Variants in ZFAT observed in about 807,000 individuals in gnomAD.
ZFAT encodes the protein zinc finger protein ZFAT.
A neutral mutation model predicts 117.7 loss-of-function variants in ZFAT; 64 were observed. The ratio of observed to expected loss-of-function variants is 0.54; its 90% CI spans 0.44 to 0.67. The LOEUF is 0.67. Ranked by LOEUF, ZFAT falls within the 30% of genes least tolerant of loss-of-function variation. The pLI is 0.00. For missense variants in ZFAT, 1,433 were observed against 1,584.5 expected (o/e 0.90, Z 1.62); for synonymous variants, 679 against 615.0 (o/e 1.10, Z -1.54).
chr8:134,639,192 T>C (rs1458366003), intron 2 of ZFAT, among the ~76,000 whole-genome samples: 1 of 152,178 alleles, frequency 6.6e-6, no homozygotes, highest in Admixed American at 6.5e-5. Context: ...GGGCAGAGTC[T>C]GCAGGGACAC....
At chr8:134,770,006 G>A in the ZFAT span, among the ~76,000 whole-genome samples, 6 of 152,216 alleles carry the variant, frequency 3.9e-5, no homozygotes, top group African/African-American at 1.4e-4. Flanking sequence ...GGTACCCTGG[G>A]TCTGGCCCAC....
chr8:134,665,552 C>T (rs1045248485), intron 1 of ZFAT, among the ~76,000 whole-genome samples: 7 of 152,236 alleles, frequency 4.6e-5, no homozygotes, highest in African/African-American at 1.4e-4. Context: ...CCAGCCCTTA[C>T]ACTGGCTTTT....
At chr8:134,544,955 A>G (rs1361242498) in intron 11 of ZFAT, among the ~76,000 whole-genome samples, 3 of 152,182 alleles carry the variant, frequency 2.0e-5, no homozygotes, top group Non-Finnish European at 4.4e-5. Flanking sequence ...GGGTGTATGT[A>G]TCTTGGAGAA....
intron 11 of ZFAT, among the ~76,000 whole-genome samples, chr8:134,544,010 AC>A: frequency 6.6e-6 from 1 of 152,342 alleles, no homozygotes. Context: ...GACTTGTGGT[AC>A]TAAGAGTGGG....
chr8:134,565,815 T>G, intron 10 of ZFAT: 1 of 297,440 alleles, frequency 3.4e-6, no homozygotes, highest in Non-Finnish European at 6.4e-6. Context: ...CAGCTGCATC[T>G]TCCTTCCTGG....
intron 11 of ZFAT, among the ~76,000 whole-genome samples, chr8:134,551,179 G>A (rs1434160510): frequency 2.0e-5 from 3 of 152,218 alleles, no homozygotes; most frequent in Admixed American, 6.5e-5. Context: ...ATGAGAAAGC[G>A]TGGACTAACG....
intron 10 of ZFAT, among the ~76,000 whole-genome samples, chr8:134,565,835 G>A (rs1824421034): frequency 6.6e-6 from 1 of 151,766 alleles, no homozygotes; most frequent in Non-Finnish European, 1.5e-5. Flanking sequence ...GAGAGGAGCA[G>A]CTGCATCTTC....
At chr8:134,772,584 C>G in the ZFAT span, among the ~76,000 whole-genome samples, 1 of 152,204 alleles carries the variant, frequency 6.6e-6, no homozygotes, top group African/African-American at 2.4e-5. Flanking sequence ...AAGCCATCCC[C>G]ATACCATAAA....
At chr8:134,771,197 G>A in the ZFAT span, among the ~76,000 whole-genome samples, 91 of 152,270 alleles carry the variant, frequency 6.0e-4, no homozygotes, top group African/African-American at 1.6e-3. Context: ...GGAACCTACC[G>A]ACATGTGATG....
intron 13 of ZFAT, among the ~76,000 whole-genome samples, chr8:134,518,592 C>T (rs1820410482): frequency 6.6e-6 from 1 of 151,976 alleles, no homozygotes; most frequent in Non-Finnish European, 1.5e-5. Context: ...TTTCTTATCT[C>T]TTGTCCATTT....
chr8:134,652,232 A>G (rs961318852), intron 2 of ZFAT, among the ~76,000 whole-genome samples: 4 of 152,218 alleles, frequency 2.6e-5, no homozygotes, highest in African/African-American at 9.6e-5. Context: ...GTGCCACTGC[A>G]CTCCAGCCTG....
intron 1 of ZFAT, among the ~76,000 whole-genome samples, chr8:134,696,096 T>C (rs972113676): frequency 2.6e-5 from 4 of 151,260 alleles, no homozygotes; most frequent in African/African-American, 9.8e-5. Flanking sequence ...CCCCAAGCCC[T>C]GCCCGCATTT....
At chr8:134,795,570 G>C in the ZFAT span, 1 of 152,266 alleles carries the variant, frequency 6.6e-6, no homozygotes, top group Non-Finnish European at 1.5e-5. Context: ...TGGGGAAAGA[G>C]GGGGAGCTGT....
chr8:134,590,499 A>G lies in ZFAT; in HGVS notation c.2476-144T>C. ...AACAGTCATCACCACCACCACCATC[A>G]CATCACCATCATCAATACCATCATC... is the stretch of plus-strand genomic sequence containing the variant. On this transcript the variant is annotated intron_variant, in intron 7 of 15. Transcript: ENST00000377838. The G allele has an allele frequency of 8.0e-6, 5 of 624,554 alleles. No individual in the cohort carries two copies. The South Asian group carries it at 9.5e-5, about 12-fold the overall frequency. 38.7% of individuals were successfully genotyped at this position (624,554 alleles called of 1,614,324 possible).
At chr8:134,768,849 C>T in the ZFAT span, among the ~76,000 whole-genome samples, 2 of 152,182 alleles carry the variant, frequency 1.3e-5, no homozygotes, top group African/African-American at 4.8e-5. Flanking sequence ...CTCCCAAAGT[C>T]TTAATTTACT....
intron 15 of ZFAT, among the ~76,000 whole-genome samples, chr8:134,484,858 C>CA (rs1394843269): frequency 6.6e-6 from 1 of 152,202 alleles, no homozygotes; most frequent in Non-Finnish European, 1.5e-5. Context: ...TACAGTGATG[C>CA]AATCACAGCT....
At chr8:134,528,837 A>G (rs1349212590) in intron 12 of ZFAT, among the ~76,000 whole-genome samples, 1 of 152,188 alleles carries the variant, frequency 6.6e-6, no homozygotes, top group African/African-American at 2.4e-5. Context: ...CAGGAATAAC[A>G]ATAATACCAC....
intron 7 of ZFAT, chr8:134,598,760 A>G (rs1198202608): frequency 6.6e-6 from 1 of 152,266 alleles, no homozygotes; most frequent in Middle Eastern, 3.2e-3. Context: ...GAGAAGTAGA[A>G]TCAATAATGA....
intron 3 of ZFAT, among the ~76,000 whole-genome samples, chr8:134,612,718 T>C (rs1828433027): frequency 6.6e-6 from 1 of 152,162 alleles, no homozygotes; most frequent in African/African-American, 2.4e-5. Context: ...ATGGTAACAT[T>C]GAGCTAAAAA....
Sources: gnomAD v4.1 joint callset for allele counts (sites outside exome capture counted in the v4.1 genomes callset) on GRCh38, gnomAD v4.1.1 for gene constraint, MANE v1.5 for transcripts, NCBI Gene and HGNC (gene_info 2026-07-23, HGNC 2026-07-21) for gene names.